Variants in PDE10A observed in about 807,000 individuals in gnomAD.
PDE10A encodes the protein cAMP and cAMP-inhibited cGMP 3',5'-cyclic phosphodiesterase 10A.
A neutral mutation model predicts 97.7 loss-of-function variants in PDE10A; 39 were observed. The observed-to-expected ratio is 0.40, with a 90% CI of 0.31 to 0.52. The LOEUF (loss-of-function observed/expected upper bound fraction) is 0.52. PDE10A is among the 20% of genes least tolerant of loss of function. The pLI, the probability that PDE10A is intolerant of heterozygous loss-of-function variation, is 0.56. For missense variants in PDE10A, 731 were observed against 1,047.8 expected, an observed-to-expected ratio of 0.70 and a Z score of 4.17; for synonymous variants, 371 against 376.8, an observed-to-expected ratio of 0.98 and a Z score of 0.18.
At chr6:165,335,524 C>T (rs552977273) in intron 21 of PDE10A, among the ~76,000 whole-genome samples, 8 of 152,188 alleles carry the variant, frequency 5.3e-5, no homozygotes, top group South Asian at 2.1e-4. Flanking sequence ...TGTGGCTGTA[C>T]GAGTCATGAG....
chr6:165,805,587 CT>C (rs1242879895), intron 1 of PDE10A, among the ~76,000 whole-genome samples: 1 of 151,992 alleles, frequency 6.6e-6, no homozygotes, highest in East Asian at 1.9e-4. Flanking sequence ...CCTCGGCCTC[CT>C]TCAACTCTAT....
intron 1 of PDE10A, among the ~76,000 whole-genome samples, chr6:165,804,152 G>A (rs1400554778): frequency 6.6e-6 from 1 of 152,082 alleles, no homozygotes; most frequent in Non-Finnish European, 1.5e-5. Flanking sequence ...ACAACACATC[G>A]GTTTAAAAAG....
chr6:165,839,933 T>TC (rs1780194202), intron 1 of PDE10A, among the ~76,000 whole-genome samples: 38 of 3,010 alleles, frequency 0.013, no homozygotes, highest in East Asian at 0.023. Context: ...TCATCTCCAT[T>TC]CTTATCTTCA....
At chr6:165,343,604 T>G (rs1782115696) in intron 18 of PDE10A, 102 bp from the exon 19 acceptor site, 2 of 806,120 alleles carry the variant, frequency 2.5e-6, no homozygotes, top group African/African-American at 3.4e-5. Flanking sequence ...AAGTATGTAT[T>G]ACTTCATTAA....
intron 1 of PDE10A, chr6:165,576,409 C>T (rs1215974557): frequency 1.3e-6 from 1 of 780,880 alleles, no homozygotes; most frequent in Non-Finnish European, 2.4e-6. Flanking sequence ...GTCCTCTACT[C>T]ACCTGTTAAA....
chr6:165,362,743 A>G (rs113572884), intron 18 of PDE10A, among the ~76,000 whole-genome samples: 1,560 of 152,298 alleles, frequency 0.01, 23 homozygotes, highest in Non-Finnish European at 0.015. Context: ...TGACACCAAA[A>G]TAAGACAAAT....
At chr6:165,572,291 T>C (rs1363148318) in intron 1 of PDE10A, among the ~76,000 whole-genome samples, 1 of 152,206 alleles carries the variant, frequency 6.6e-6, no homozygotes, top group Non-Finnish European at 1.5e-5. Flanking sequence ...ACTTACAGAA[T>C]TACTGAAATA....
chr6:165,874,951 T>C (rs1781295192), intron 1 of PDE10A, among the ~76,000 whole-genome samples: 1 of 152,188 alleles, frequency 6.6e-6, no homozygotes, highest in Non-Finnish European at 1.5e-5. Context: ...TTATTCGTTC[T>C]AAGTTAATAT....
intron 1 of PDE10A, among the ~76,000 whole-genome samples, chr6:165,876,989 G>C (rs542810255): frequency 5.6e-4 from 86 of 152,290 alleles, no homozygotes; most frequent in African/African-American, 1.9e-3. Flanking sequence ...AAATACCATG[G>C]ATTCAAAATT....
Position 165,867,324 on chromosome 6 carries a change from G to GA in PDE10A, c.-615+120204dup, listed in dbSNP as rs796200555. ...CACATAGACTGAAAGTGGAGGGATG[G>GA]AAAAAAAAAATCCACACAAATGGGA... On this transcript the variant is annotated intron_variant, in intron 1 of 19. Transcript: ENST00000366882. Among the ~76,000 whole-genome samples the GA allele has an allele frequency of 4.2e-3, 628 of 149,604 alleles. 6 individuals are homozygous for GA. The highest frequency in any genetic ancestry group is 0.015 in the African/African-American group (601 of 40,952).
chr6:165,379,410 GCT>G lies in PDE10A; in HGVS notation c.2611-46_2611-45del, dbSNP rs1206336786. 4 of 1,446,038 alleles carry G rather than the reference GCT, an allele frequency of 2.8e-6. No individual in the cohort carries two copies. The African/African-American group carries it at 5.7e-5, about 21-fold the overall frequency. 89.6% of individuals were successfully genotyped at this position (1,446,038 alleles called of 1,614,324 possible). A position where few individuals can be genotyped will look rare whatever the true frequency, so the allele number is the denominator to read the frequency against. ...TAAAAACCACCAATAACAAGCACAA[GCT>G]CTAATCTTATGACATTTTTAGTTAT... is the stretch of plus-strand genomic sequence containing the variant. On this transcript the variant is annotated intron_variant, in intron 17 of 21. Transcript: ENST00000539869.
rs1789916996 is a variant in PDE10A, at chr6:165,655,707, T to C, written c.865+6240A>G. On this transcript the variant is annotated intron_variant, in intron 1 of 21. Coordinates refer to ENST00000539869, the MANE Select transcript of PDE10A (RefSeq NM_001385079.1). The surrounding 1 kb of genome is among the most constrained non-coding windows in gnomAD (Gnocchi z 4.5). ...CAGCCAGAATGAGCTTCTGAGATCA[T>C]AAACCATGGATCACCCACTGCTCAA... Among the ~76,000 whole-genome samples, 3 of 152,158 alleles carry C rather than the reference T, an allele frequency of 2.0e-5. No homozygotes were observed. The highest frequency in any genetic ancestry group is 4.4e-5 in the Non-Finnish European group (3 of 68,026).
At chr6:165,976,919 C>T (rs565000521) in intron 1 of PDE10A, among the ~76,000 whole-genome samples, 17 of 152,336 alleles carry the variant, frequency 1.1e-4, no homozygotes, top group Non-Finnish European at 1.6e-4. Context: ...CCCTGTGCAC[C>T]GGAAGCCTTG....
chr6:165,343,886 A>G (rs1215546840), intron 18 of PDE10A, among the ~76,000 whole-genome samples: 1 of 152,190 alleles, frequency 6.6e-6, no homozygotes, highest in Non-Finnish European at 1.5e-5. Context: ...TTAAGAGAAA[A>G]TCTATCCCAA....
At chr6:165,894,501 TG>T (rs1781889936) in intron 1 of PDE10A, 1 of 455,944 alleles carries the variant, frequency 2.2e-6, no homozygotes, top group Non-Finnish European at 4.4e-6. Flanking sequence ...TAGCCCTTCG[TG>T]TGCAAAAGAT....
chr6:165,706,981 G>A (rs976594451), intron 1 of PDE10A, among the ~76,000 whole-genome samples: 2 of 152,292 alleles, frequency 1.3e-5, no homozygotes, highest in East Asian at 1.9e-4. Flanking sequence ...TTTAGACAAT[G>A]TTCACCCAGT....
chr6:165,838,193 C>A (rs892908201), intron 1 of PDE10A, among the ~76,000 whole-genome samples: 1 of 152,148 alleles, frequency 6.6e-6, no homozygotes, highest in African/African-American at 2.4e-5. Flanking sequence ...GGGGAAATAA[C>A]TTTTCACTTT....
chr6:165,602,921 C>T (rs972045846), intron 1 of PDE10A, among the ~76,000 whole-genome samples: 1 of 152,154 alleles, frequency 6.6e-6, no homozygotes, highest in Non-Finnish European at 1.5e-5. Flanking sequence ...TTGTTCTATG[C>T]TAGACAGACT....
chr6:165,439,748 A>C (rs1790294265), intron 5 of PDE10A, among the ~76,000 whole-genome samples: 1 of 152,250 alleles, frequency 6.6e-6, no homozygotes, highest in Admixed American at 6.5e-5. Context: ...CATAATCAAT[A>C]GGTTGGTTCA....
Sources: gnomAD v4.1 joint callset for allele counts (sites outside exome capture counted in the v4.1 genomes callset) on GRCh38, gnomAD v4.1.1 for gene constraint, Gnocchi (gnomAD v3.1) non-coding constraint, MANE v1.5 for transcripts, NCBI Gene and HGNC (gene_info 2026-07-23, HGNC 2026-07-21) for gene names.